Variants in LYST observed in about 807,000 individuals in gnomAD.
LYST encodes the protein lysosomal trafficking regulator, also known as lysosomal-trafficking regulator.
A neutral mutation model predicts 413.6 loss-of-function variants in LYST; 192 were observed. The observed-to-expected ratio is 0.46, with a 90% confidence interval of 0.41 to 0.52. LYST has a LOEUF of 0.52. LYST is among the 20% of genes least tolerant of loss of function. LYST has a pLI of 0.00. For synonymous variants in LYST, 1,525 were observed against 1,567.3 expected (o/e 0.97, Z 0.64); for missense variants, 3,815 against 4,499.9 (o/e 0.85, Z 4.35).
intron 23 of LYST, 76 bp downstream of exon 23, chr1:235,758,896 C>T (rs41305568): frequency 0.012 from 16,322 of 1,351,770 alleles, 135 homozygotes; most frequent in Non-Finnish European, 0.014. Context: ...ATAATGAAGA[C>T]GTTTCCAGAG....
chr1:235,807,770 T>G (rs1673028794), intron 5 of LYST, among the ~76,000 whole-genome samples: 1 of 152,142 alleles, frequency 6.6e-6, no homozygotes, highest in Non-Finnish European at 1.5e-5. Flanking sequence ...AAAAGTAATT[T>G]TAATATTCTT....
chr1:235,709,429 A>G, intron 43 of LYST, 121 bp from the exon 44 acceptor site: 1 of 738,230 alleles, frequency 1.4e-6, no homozygotes. Context: ...AAAAGGGAAT[A>G]GCAAGGAGGA....
chr1:235,687,454 G>A (rs1464305621), intron 47 of LYST, among the ~76,000 whole-genome samples: 1 of 152,066 alleles, frequency 6.6e-6, no homozygotes, highest in African/African-American at 2.4e-5. Context: ...TGTCTTTGGT[G>A]GGGAAACAGG....
intron 4 of LYST, among the ~76,000 whole-genome samples, chr1:235,811,132 G>C (rs560537584): frequency 6.6e-6 from 1 of 152,178 alleles, no homozygotes; most frequent in Non-Finnish European, 1.5e-5. Context: ...GTGACAGAGT[G>C]AGACTCTGTC....
chr1:235,857,205 A>G (rs1035928784), intron 1 of LYST, among the ~76,000 whole-genome samples: 4 of 152,154 alleles, frequency 2.6e-5, no homozygotes, highest in Non-Finnish European at 4.4e-5. Context: ...TAGGCAAATC[A>G]AGATGTTTGG....
At chr1:235,732,483 A>G (rs990485021) in intron 34 of LYST, among the ~76,000 whole-genome samples, 3 of 152,076 alleles carry the variant, frequency 2.0e-5, no homozygotes, top group African/African-American at 7.2e-5. Flanking sequence ...CCATATTTCG[A>G]ATATTTTCCT....
intron 16 of LYST, among the ~76,000 whole-genome samples, chr1:235,778,360 ATTC>A (rs772932765): frequency 3.9e-4 from 59 of 150,874 alleles, no homozygotes; most frequent in Non-Finnish European, 7.1e-4. Context: ...TGCTTAGATT[ATTC>A]TTATTATTTA....
intron 42 of LYST, among the ~76,000 whole-genome samples, chr1:235,713,597 A>G (rs1662584626): frequency 6.6e-6 from 1 of 152,174 alleles, no homozygotes; most frequent in Non-Finnish European, 1.5e-5. Flanking sequence ...TTTGATTCTC[A>G]CAACTGGGGG....
intron 34 of LYST, among the ~76,000 whole-genome samples, chr1:235,732,474 C>T (rs1229831526): frequency 1.3e-5 from 2 of 151,996 alleles, no homozygotes; most frequent in East Asian, 3.8e-4. Context: ...GCCTGCCTTC[C>T]ATATTTCGAA....
intron 3 of LYST, chr1:235,828,818 TTTTAAA>T (rs1391971046): frequency 1.3e-6 from 1 of 783,964 alleles, no homozygotes; most frequent in African/African-American, 1.9e-5. Context: ...TTTTTTCTGA[TTTTAAA>T]TTTTATTTAC....
intron 17 of LYST, among the ~76,000 whole-genome samples, chr1:235,775,614 G>T (rs892703364): frequency 1.3e-5 from 2 of 152,140 alleles, no homozygotes; most frequent in East Asian, 1.9e-4. Flanking sequence ...GAGACAATAG[G>T]TATTCTGGAG....
At position 235,757,323 on chromosome 1, in the gene LYST, G is replaced by A. The variant is rs201154390; in HGVS notation, c.7017C>T (p.Leu2339=). 8.7e-6 allele frequency: 14 copies of A among 1,613,338 alleles called. No individual in the cohort carries two copies. Among genetic ancestry groups the A allele is most frequent in the Middle Eastern group, 1.7e-4 (1 of 6,056 alleles). The part of the protein sequence containing the change: ...KLIQADTLLV[L]VNHPSPAIQQ... ...GTATAGCTGGTGATGGGTGGTTAAC[G>A]AGGACCAAAAGTGTATCTGCTTGAA... The change falls in exon 24 of 53, where the codon CTC becomes CTT. Residue 2339 remains leucine (L), a synonymous_variant. Transcript: ENST00000389793.
At chr1:235,754,086 A>T (rs1304152044) in intron 25 of LYST, among the ~76,000 whole-genome samples, 1 of 152,112 alleles carries the variant, frequency 6.6e-6, no homozygotes, top group Non-Finnish European at 1.5e-5. Flanking sequence ...CTCAGCAATC[A>T]GTGTATCCAG....
At chr1:235,790,650 T>A (rs1477970329) in intron 12 of LYST, among the ~76,000 whole-genome samples, 1 of 152,172 alleles carries the variant, frequency 6.6e-6, no homozygotes, top group Non-Finnish European at 1.5e-5. Context: ...TAAACATCTG[T>A]CTCATCCAGT....
intron 1 of LYST, among the ~76,000 whole-genome samples, chr1:235,861,430 A>G (rs1451068086): frequency 1.3e-5 from 2 of 152,232 alleles, no homozygotes; most frequent in Admixed American, 6.5e-5. Context: ...TAAGAGTTAC[A>G]AAGCCAAACA....
rs923483504 is a variant in LYST at position 235,796,544 on chromosome 1, C to T, written c.4007-2932G>A. On this transcript the variant is annotated intron_variant, in intron 10 of 52. Coordinates refer to ENST00000389793, the MANE Select transcript of LYST (RefSeq NM_000081.4). ...ACACTGCTATGGTGTAAATATCTGT[C>T]CCCTCCAAAACTCAAGTTGAAATTT... Among the ~76,000 whole-genome samples the T allele has an allele frequency of 7.2e-5, 11 of 152,182 alleles. 1 individual carries two copies. The highest frequency in any genetic ancestry group is 7.2e-4 in the Admixed American group (11 of 15,284).
intron 39 of LYST, among the ~76,000 whole-genome samples, chr1:235,721,912 A>C (rs1663400888): frequency 1.3e-5 from 2 of 152,208 alleles, no homozygotes; most frequent in African/African-American, 4.8e-5. Flanking sequence ...GAGGCAGAAA[A>C]TGCTGGATGC....
chr1:235,669,321 T>TAAA (rs1243234502), intron 50 of LYST, among the ~76,000 whole-genome samples: 2 of 152,168 alleles, frequency 1.3e-5, no homozygotes, highest in African/African-American at 2.4e-5. Flanking sequence ...CCTAAGACAG[T>TAAA]TTCACACTCA....
Position 235,766,204 on chromosome 1 carries a change from A to G in LYST, c.5996T>C (p.Val1999Ala), listed in dbSNP as rs28942077. 6.2e-7 allele frequency: 1 copy of G among 1,613,572 alleles called. No homozygotes were observed. Among genetic ancestry groups the G allele is most frequent in the South Asian group, 1.1e-5 (1 of 91,046 alleles). ...CRSFVKIIAE[V>A]LGSPPDLELL... Reference sequence around the variant, plus strand: ...TTCCAAATCTGGAGGAGATCCAAGGACTTCTGCTATAATTTTCACAAATGA... The same window carrying G: ...TTCCAAATCTGGAGGAGATCCAAGGGCTTCTGCTATAATTTTCACAAATGA... Residue 1999 changes from valine to alanine, a missense_variant, in exon 21 of 53, where the codon GTC (valine) becomes GCC (alanine). Val to Ala is a moderately conservative substitution (Grantham distance 64). Coordinates refer to ENST00000389793, the MANE Select transcript of LYST (RefSeq NM_000081.4).
Sources: allele counts gnomAD v4.1 joint callset (sites outside exome capture counted in the v4.1 genomes callset), GRCh38; gene constraint gnomAD v4.1.1; transcripts MANE v1.5; gene names NCBI Gene and HGNC (gene_info 2026-07-23, HGNC 2026-07-21).